MAP3K3: variants seen among roughly 807,000 people sequenced by gnomAD.
MAP3K3 encodes MAP/ERK kinase kinase 3.
A neutral mutation model predicts 80.9 loss-of-function variants in MAP3K3; 12 were observed. That is an observed-to-expected ratio of 0.15 (90% CI 0.10 to 0.24). The LOEUF is 0.24. Ranked by LOEUF, MAP3K3 falls within the 10% of genes least tolerant of loss-of-function variation. MAP3K3 has a pLI of 1.00. For missense variants in MAP3K3, 596 were observed against 834.7 expected (o/e 0.71, Z 3.52); for synonymous variants, 272 against 307.1 (o/e 0.89, Z 1.19).
chr17:63,642,050 A>G (rs1036319090), intron 2 of MAP3K3, among the ~76,000 whole-genome samples: 7 of 152,180 alleles, frequency 4.6e-5, no homozygotes, highest in African/African-American at 1.2e-4. Context: ...TCCCTTATCT[A>G]TGGCTTATTA....
chr17:63,684,313 T>G (rs934974783), intron 7 of MAP3K3, among the ~76,000 whole-genome samples: 2 of 152,248 alleles, frequency 1.3e-5, no homozygotes, highest in African/African-American at 4.8e-5. Context: ...TGCCATGTTA[T>G]TTATTTGTCC....
chr17:63,661,327 G>A (rs541917392), intron 5 of MAP3K3, among the ~76,000 whole-genome samples: 1 of 152,344 alleles, frequency 6.6e-6, no homozygotes, highest in East Asian at 1.9e-4. Context: ...GATTACAGGT[G>A]TGAGCCACCG....
At position 63,689,123 on chromosome 17, in the gene MAP3K3, G is replaced by A; in HGVS notation, c.871+242G>A. The A allele has an allele frequency of 1.7e-6, 1 of 581,232 alleles. No individual in the cohort carries two copies. Among genetic ancestry groups the A allele is most frequent in the Non-Finnish European group, 3.1e-6 (1 of 327,168 alleles). 36.0% of individuals were successfully genotyped at this position (581,232 alleles called of 1,614,324 possible). On this transcript the variant is annotated intron_variant, in intron 10 of 15. Coordinates refer to ENST00000361733, the MANE Select transcript of MAP3K3 (RefSeq NM_002401.5). This position sits in a 1 kb window ranked among gnomAD's most constrained non-coding sequence, Gnocchi z 4.3. ...TTGAAGCCAGTGGTGTGCTCCAGGG[G>A]CACCATCTCTCCCATGTCCTCTTCT...
chr17:63,634,319 C>G (rs940504934), intron 2 of MAP3K3, among the ~76,000 whole-genome samples: 1 of 152,282 alleles, frequency 6.6e-6, no homozygotes, highest in South Asian at 2.1e-4. Flanking sequence ...GCTGATCTTT[C>G]TCCAGACTGG....
rs138770400 is a variant in MAP3K3, at chr17:63,674,876, G to C, written c.503-6890G>C. Among the ~76,000 whole-genome samples, 83 of 152,226 alleles carry C rather than the reference G, an allele frequency of 5.5e-4. 1 individual carries two copies. The highest frequency in any genetic ancestry group is 5.1e-4 in the Non-Finnish European group (35 of 68,018). ...GAAAATTCAGGCAGAGGACAAGAAA[G>C]AATGTTGAAAGGATGAGGGTAGATT... is the stretch of plus-strand genomic sequence containing the variant. On this transcript the variant is annotated intron_variant, in intron 6 of 15. Transcript: ENST00000361733.
At chr17:63,632,258 G>A (rs937987551) in intron 1 of MAP3K3, among the ~76,000 whole-genome samples, 1 of 152,072 alleles carries the variant, frequency 6.6e-6, no homozygotes, top group Non-Finnish European at 1.5e-5. Flanking sequence ...TTGGGAGGCC[G>A]AGGCAGGAGG....
At position 63,691,597 on chromosome 17, in the gene MAP3K3, C is replaced by T. The variant is rs1030735350; in HGVS notation, c.1345-136C>T. ...CTCTTTTCCAAACTGCCTGACAGCT[C>T]CTGGCAAAATGCCCTGCCCAGCCAG... On this transcript the variant is annotated intron_variant, in intron 13 of 15. Transcript: ENST00000361733. This position sits in a 1 kb window ranked among gnomAD's most constrained non-coding sequence, Gnocchi z 4.8. The T allele has an allele frequency of 7.0e-6, 9 of 1,293,978 alleles. No homozygotes were observed. The Admixed American group carries it at 1.6e-4, about 22-fold the overall frequency. 80.2% of individuals were successfully genotyped at this position (1,293,978 alleles called of 1,614,324 possible).
chr17:63,659,273 G>T (rs2143401738), intron 5 of MAP3K3, among the ~76,000 whole-genome samples: 1 of 152,262 alleles, frequency 6.6e-6, no homozygotes, highest in South Asian at 2.1e-4. Context: ...TTTTGCTACT[G>T]TTGGGACACA....
At chr17:63,676,362 C>T (rs2035219471) in intron 6 of MAP3K3, among the ~76,000 whole-genome samples, 1 of 152,172 alleles carries the variant, frequency 6.6e-6, no homozygotes. Flanking sequence ...GGACAGGTGT[C>T]AGGGGGACCA....
At chr17:63,677,605 A>G (rs1443192349) in intron 6 of MAP3K3, among the ~76,000 whole-genome samples, 1 of 152,164 alleles carries the variant, frequency 6.6e-6, no homozygotes, top group African/African-American at 2.4e-5. Flanking sequence ...CTAAACCTCC[A>G]TCTTGTCTTT....
chr17:63,639,851 G>A (rs2034405644), intron 2 of MAP3K3, among the ~76,000 whole-genome samples: 1 of 152,100 alleles, frequency 6.6e-6, no homozygotes, highest in Non-Finnish European at 1.5e-5. Context: ...CCAGGCTTGT[G>A]TGTTGCTTTA....
chr17:63,669,525 T>C (rs2035062204), intron 6 of MAP3K3, among the ~76,000 whole-genome samples: 2 of 151,952 alleles, frequency 1.3e-5, no homozygotes, highest in Non-Finnish European at 2.9e-5. Flanking sequence ...CTGGAATGCA[T>C]TGATGCCATC....
chr17:63,675,473 A>T (rs2035199701), intron 6 of MAP3K3, among the ~76,000 whole-genome samples: 1 of 152,188 alleles, frequency 6.6e-6, no homozygotes, highest in Non-Finnish European at 1.5e-5. Context: ...AAGGGCTAGA[A>T]TCTGAGAGCC....
At chr17:63,632,511 T>G (rs1029586325) in intron 1 of MAP3K3, among the ~76,000 whole-genome samples, 170 bp from the exon 2 acceptor site, 2 of 152,096 alleles carry the variant, frequency 1.3e-5, no homozygotes, top group Admixed American at 1.3e-4. Flanking sequence ...AAAGAATCCA[T>G]TAAAATTCAA....
chr17:63,652,041 A>T (rs190303630), intron 3 of MAP3K3, among the ~76,000 whole-genome samples: 1 of 151,274 alleles, frequency 6.6e-6, no homozygotes, highest in Non-Finnish European at 1.5e-5. Flanking sequence ...TTCAACTTTT[A>T]TTTAAGTTCT....
chr17:63,649,522 C>A (rs1352852734), intron 3 of MAP3K3, among the ~76,000 whole-genome samples: 2 of 152,014 alleles, frequency 1.3e-5, no homozygotes, highest in African/African-American at 4.8e-5. Context: ...CAGGCTCAAG[C>A]AGTCCTCCTG....
chr17:63,668,917 G>A (rs565747757), intron 6 of MAP3K3, among the ~76,000 whole-genome samples: 8 of 152,280 alleles, frequency 5.3e-5, no homozygotes, highest in Non-Finnish European at 1.2e-4. Context: ...CTGGGAGAGA[G>A]GGGCTTTCAC....
intron 1 of MAP3K3, among the ~76,000 whole-genome samples, chr17:63,623,116 G>T (rs1030586678): frequency 7.2e-5 from 11 of 152,216 alleles, no homozygotes; most frequent in Middle Eastern, 3.4e-3. Context: ...GAGCAAGAGC[G>T]CAGTGTGGGG....
Position 63,691,804 on chromosome 17 carries a change from G to C in MAP3K3, c.1416G>C (p.Gln472His), listed in dbSNP as rs2035598058. The C allele has an allele frequency of 6.2e-7, 1 of 1,614,164 alleles. No individual in the cohort carries two copies. The highest frequency in any genetic ancestry group is 8.5e-7 in the Non-Finnish European group (1 of 1,180,034). Residue 472 changes from glutamine (Q) to histidine (H), a missense_variant, in exon 14 of 16, where the codon CAG becomes CAC. By Grantham distance (24) the Gln-to-His change is conservative. Around this residue, in one of 2 missense-constraint regions of MAP3K3, gnomAD observed 364 missense variants for 588.9 expected, o/e 0.62. Transcript: ENST00000361733. This position sits in a 1 kb window ranked among gnomAD's most constrained non-coding sequence, Gnocchi z 4.8. ...GCGTGACCCGAAAGTACACGCGGCA[G>C]ATCCTGGAGGGCATGTCCTACCTGC... Reference protein sequence around the residue: ...TESVTRKYTRQILEGMSYLHS... With the variant: ...TESVTRKYTRHILEGMSYLHS...
Sources: allele counts gnomAD v4.1 joint callset (sites outside exome capture counted in the v4.1 genomes callset), GRCh38; gene constraint gnomAD v4.1.1; regional missense constraint gnomAD v4.1.1; non-coding constraint Gnocchi (gnomAD v3.1); transcripts MANE v1.5; gene names NCBI Gene and HGNC (gene_info 2026-07-23, HGNC 2026-07-21).